Variants in PPM1H observed in about 807,000 individuals in gnomAD.
The protein encoded by PPM1H is protein phosphatase 1H.
A neutral mutation model predicts 54.9 loss-of-function variants in PPM1H; 27 were observed. The observed-to-expected ratio is 0.49, with a 90% CI of 0.36 to 0.68. The LOEUF is 0.68. PPM1H is among the 30% of genes least tolerant of loss of function. PPM1H has a pLI of 0.00. For missense variants in PPM1H, 596 were observed against 667.8 expected, an observed-to-expected ratio of 0.89 and a Z score of 1.19; for synonymous variants, 305 against 270.8, an observed-to-expected ratio of 1.13 and a Z score of -1.24.
chr12:62,698,550 G>A (rs2076125977), intron 6 of PPM1H, among the ~76,000 whole-genome samples: 1 of 152,108 alleles, frequency 6.6e-6, no homozygotes, highest in Non-Finnish European at 1.5e-5. Context: ...CTGTGGTGGT[G>A]GCCCTCTAGG....
chr12:62,877,236 T>G (rs1870206041), intron 1 of PPM1H, among the ~76,000 whole-genome samples: 1 of 152,196 alleles, frequency 6.6e-6, no homozygotes, highest in South Asian at 2.1e-4. Context: ...CCTGCTATTA[T>G]GGGCTGTTTT....
At chr12:62,819,334 G>A (rs1343779214) in intron 2 of PPM1H, among the ~76,000 whole-genome samples, 3 of 149,412 alleles carry the variant, frequency 2.0e-5, no homozygotes, top group African/African-American at 7.4e-5. Context: ...TCACCTTCTT[G>A]GCCAGGCTTG....
chr12:62,901,289 AATTATC>A (rs1484756159), intron 1 of PPM1H, among the ~76,000 whole-genome samples: 1 of 152,256 alleles, frequency 6.6e-6, no homozygotes, highest in Non-Finnish European at 1.5e-5. Context: ...AAGAAATGAC[AATTATC>A]ATCAACCAAA....
intron 4 of PPM1H, among the ~76,000 whole-genome samples, chr12:62,773,671 C>G (rs1380569320): frequency 6.6e-6 from 1 of 152,062 alleles, no homozygotes. Flanking sequence ...GAGAGGCAAC[C>G]TTAACATCCA....
intron 9 of PPM1H, chr12:62,659,153 G>A (rs923934252): frequency 6.9e-6 from 5 of 728,566 alleles, no homozygotes; most frequent in South Asian, 6.7e-5. Context: ...AAGCCGTTGT[G>A]GAAAGAGCTG....
At chr12:62,711,393 C>T (rs936897109) in intron 6 of PPM1H, among the ~76,000 whole-genome samples, 1 of 152,214 alleles carries the variant, frequency 6.6e-6, no homozygotes, top group African/African-American at 2.4e-5. Context: ...AGTCTGGCTC[C>T]AGCATCCTTG....
chr12:62,810,946 G>C (rs1245900346), intron 2 of PPM1H, among the ~76,000 whole-genome samples: 2 of 152,216 alleles, frequency 1.3e-5, no homozygotes, highest in Admixed American at 1.3e-4. Flanking sequence ...GGGCACTAGA[G>C]ATACAGCAGA....
chr12:62,887,935 G>A lies in PPM1H; in HGVS notation c.245+46557C>T, dbSNP rs56389730. On this transcript the variant is annotated intron_variant, in intron 1 of 9. Transcript: ENST00000228705. ...ATGAAGCCAGGGTGACTGGAGCTGG[G>A]TGGCAATGCTCCTCAAGGTGGTCAA... 2.0e-4 allele frequency among the ~76,000 whole-genome samples: 30 copies of A among 152,300 alleles called. 1 individual carries two copies. The South Asian group carries it at 2.1e-3, about 11-fold the overall frequency.
At chr12:62,727,600 A>G (rs2076296866) in intron 5 of PPM1H, among the ~76,000 whole-genome samples, 1 of 151,056 alleles carries the variant, frequency 6.6e-6, no homozygotes, top group African/African-American at 2.4e-5. Context: ...CCTGCAGATG[A>G]GAAACCTATA....
At chr12:62,736,543 T>C (rs544232375) in intron 5 of PPM1H, among the ~76,000 whole-genome samples, 2 of 152,344 alleles carry the variant, frequency 1.3e-5, no homozygotes, top group South Asian at 2.1e-4. Flanking sequence ...ACACAGTTCA[T>C]AGAATAAAAT....
At chr12:62,690,997 A>T (rs1054260880) in intron 7 of PPM1H, among the ~76,000 whole-genome samples, 2 of 152,216 alleles carry the variant, frequency 1.3e-5, no homozygotes, top group African/African-American at 4.8e-5. Flanking sequence ...AAATAAAAAA[A>T]CCAAAAAGAA....
intron 1 of PPM1H, among the ~76,000 whole-genome samples, chr12:62,851,339 C>T (rs1252406396): frequency 6.6e-6 from 1 of 152,100 alleles, no homozygotes; most frequent in Non-Finnish European, 1.5e-5. Flanking sequence ...ACATCAAAAA[C>T]AAACAAATAT....
rs2076255180 is a variant in PPM1H at position 62,720,089 on chromosome 12, C to CTG, written c.1073+80_1073+81dup. Reference sequence around the variant, plus strand: ...CTCTGGCTGTGCTTCCTGATCCAAACTGTGTAACTGGCTGTTTATGGTGGT... The same window carrying CTG: ...CTCTGGCTGTGCTTCCTGATCCAAACTGTGTGTAACTGGCTGTTTATGGTGGT... On this transcript the variant is annotated intron_variant, in intron 6 of 9. Transcript: ENST00000228705. The CTG allele has an allele frequency of 4.9e-6, 6 of 1,230,310 alleles. No homozygotes were observed. In the South Asian group the frequency reaches 7.4e-5, roughly 15 times the overall value. 76.2% of individuals were successfully genotyped at this position (1,230,310 alleles called of 1,614,324 possible).
intron 8 of PPM1H, among the ~76,000 whole-genome samples, chr12:62,683,033 T>TTTATTATTTA (rs1555188731): frequency 2.2e-5 from 3 of 133,666 alleles, no homozygotes; most frequent in South Asian, 2.4e-4. Flanking sequence ...GAGTTTATTA[T>TTTATTATTTA]TTATTATTAT....
At chr12:62,926,654 G>T (rs768821509) in intron 1 of PPM1H, among the ~76,000 whole-genome samples, 1 of 152,004 alleles carries the variant, frequency 6.6e-6, no homozygotes, top group Non-Finnish European at 1.5e-5. Context: ...CAGGAAAACC[G>T]TAAAAAGATC....
chr12:62,934,771 G>T lies in PPM1H; in HGVS notation c.-35C>A, dbSNP rs780772208. Reference sequence around the variant, plus strand: ...GCGCCCGGCTGCAGCGGTGCGAGCAGGAGGCGGCGGGGGCCGGGCAAGGCG... The same window carrying T: ...GCGCCCGGCTGCAGCGGTGCGAGCATGAGGCGGCGGGGGCCGGGCAAGGCG... On this transcript the variant is annotated 5_prime_UTR_variant, in exon 1 of 10. It adds an upstream start codon to the 5' untranslated region. Transcript: ENST00000228705. The surrounding 1 kb of genome is among the most constrained non-coding windows in gnomAD (Gnocchi z 4.2). 12 of 1,465,596 alleles carry T rather than the reference G, an allele frequency of 8.2e-6. No homozygotes were observed. The highest frequency in any genetic ancestry group is 9.9e-6 in the Non-Finnish European group (11 of 1,105,752). The allele number at this position is 1,465,596 out of a possible 1,614,324, so 90.8% of individuals were successfully genotyped here.
At chr12:62,733,146 G>A (rs918800288) in intron 5 of PPM1H, among the ~76,000 whole-genome samples, 1 of 152,200 alleles carries the variant, frequency 6.6e-6, no homozygotes, top group African/African-American at 2.4e-5. Flanking sequence ...AGGAGATTCA[G>A]AGACAGAGTG....
At chr12:62,745,087 T>C (rs2076402696) in intron 4 of PPM1H, among the ~76,000 whole-genome samples, 1 of 152,222 alleles carries the variant, frequency 6.6e-6, no homozygotes, top group Non-Finnish European at 1.5e-5. Flanking sequence ...GTTTGGTTCA[T>C]TGTCCTAACT....
At chr12:62,848,997 G>C (rs951142949) in intron 1 of PPM1H, among the ~76,000 whole-genome samples, 1 of 152,170 alleles carries the variant, frequency 6.6e-6, no homozygotes, top group African/African-American at 2.4e-5. Context: ...GCAGGGGAAG[G>C]GAGTGGGAAT....
Sources: allele counts gnomAD v4.1 joint callset (sites outside exome capture counted in the v4.1 genomes callset), GRCh38; gene constraint gnomAD v4.1.1; non-coding constraint Gnocchi (gnomAD v3.1); transcripts MANE v1.5; gene names NCBI Gene and HGNC (gene_info 2026-07-23, HGNC 2026-07-21).